The following BCAR1 variants were observed in gnomAD, a reference collection of about 807,000 sequenced individuals.
BCAR1 encodes breast cancer anti-estrogen resistance protein 1.
A neutral mutation model predicts 67.6 loss-of-function variants in BCAR1; 30 were observed. The ratio of observed to expected loss-of-function variants is 0.44; its 90% CI spans 0.33 to 0.60. The LOEUF (loss-of-function observed/expected upper bound fraction) is 0.60, where lower values mean the gene tolerates loss of function less well. BCAR1 is among the 20% of genes least tolerant of loss of function. BCAR1 has a pLI of 0.02. For synonymous variants in BCAR1, 626 were observed against 556.7 expected, an observed-to-expected ratio of 1.12 and a Z score of -1.75; for missense variants, 1,313 against 1,222.3, an observed-to-expected ratio of 1.07 and a Z score of -1.11.
chr16:75,236,799 G>C (rs762769092), intron 4 of BCAR1, 83 bp downstream of exon 4: 5 of 1,512,432 alleles, frequency 3.3e-6, no homozygotes, highest in Non-Finnish European at 4.4e-6. Context: ...CAGCCCTGCA[G>C]ACACTGGTCA....
chr16:75,248,491 A>C, intron 1 of BCAR1: 1 of 371,284 alleles, frequency 2.7e-6, no homozygotes, highest in Non-Finnish European at 4.1e-6. Context: ...GGTCCTGATC[A>C]CCCCACTTGG....
chr16:75,247,537 T>C lies in BCAR1; in HGVS notation c.12+3934A>G, dbSNP rs1298828050. ...TCGGATGGGTGTTGGGGTCTCCTCA[T>C]TGGCTCTGCCAGCTGCCTTGGGAGC... On this transcript the variant is annotated intron_variant, in intron 1 of 6. Coordinates refer to ENST00000162330, the MANE Select transcript of BCAR1 (RefSeq NM_014567.5). The C allele has an allele frequency of 3.1e-5, 5 of 159,776 alleles. No individual in the cohort carries two copies. In the East Asian group the frequency reaches 9.0e-4, roughly 29 times the overall value. The allele number at this position is 159,776 out of a possible 1,614,324, so 9.9% of individuals were successfully genotyped here.
chr16:75,255,747 T>G (rs772335143), upstream of BCAR1, among the ~76,000 whole-genome samples: 15 of 150,574 alleles, frequency 1.0e-4, no homozygotes, highest in East Asian at 2.9e-3. Flanking sequence ...ATCCCAGCAC[T>G]TTGGGAGGCC....
intron 1 of BCAR1, chr16:75,247,733 A>G: frequency 2.7e-6 from 1 of 364,972 alleles, no homozygotes; most frequent in Non-Finnish European, 5.2e-6. Context: ...TGCAGAGAAC[A>G]CTGCAGGTAT....
rs144046270 is a variant in BCAR1 at position 75,235,296 on chromosome 16, G to A, written c.1603C>T (p.Arg535Cys). 5.4e-4 allele frequency: 868 copies of A among 1,605,668 alleles called. No individual in the cohort carries two copies. The highest frequency in any genetic ancestry group is 6.9e-4 in the Non-Finnish European group (813 of 1,174,540). ...AVGNAAHTSDRALHAKLSRQL... is the reference protein window; with the variant it reads ...AVGNAAHTSDCALHAKLSRQL... ...CGGCTAAGCTTGGCATGCAGGGCACGGTCAGATGTGTGGGCAGCATTGCCC... is the reference window on the plus strand; with the variant it reads ...CGGCTAAGCTTGGCATGCAGGGCACAGTCAGATGTGTGGGCAGCATTGCCC... Residue 535 changes from arginine (R) to cysteine (C), a missense_variant, in exon 5 of 7, where the codon CGT becomes TGT. Arg to Cys is a radical substitution (Grantham distance 180). Around this residue, in one of 2 missense-constraint regions of BCAR1, gnomAD observed 1,272 missense variants for 1,137.5 expected, o/e 1.12. Transcript: ENST00000162330.
chr16:75,241,963 G>C (rs763439325), intron 2 of BCAR1, among the ~76,000 whole-genome samples: 26 of 152,192 alleles, frequency 1.7e-4, no homozygotes, highest in Admixed American at 7.2e-4. Flanking sequence ...CCTCCCAGGA[G>C]TCACATCCAG....
At position 75,237,232 on chromosome 16, in the gene BCAR1, T is replaced by C. The variant is rs1301916801; in HGVS notation, c.746A>G (p.Tyr249Cys). The C allele has an allele frequency of 2.6e-6, 4 of 1,561,260 alleles. No homozygotes were observed. Among genetic ancestry groups the C allele is most frequent in the African/African-American group, 2.7e-5 (2 of 73,088 alleles). The change falls in exon 3 of 7, where the codon TAT (tyrosine) becomes TGT (cysteine). Residue 249 changes from tyrosine (Y) to cysteine (C), a missense_variant. Physicochemically the swap from Tyr to Cys is radical, Grantham distance 194. Transcript: ENST00000162330. ...CAGCCCCCGAACCGGGGGCACATCATAGATGTCCTGTGGCCCCGGGGCCAG... is the reference window on the plus strand; with the variant it reads ...CAGCCCCCGAACCGGGGGCACATCACAGATGTCCTGTGGCCCCGGGGCCAG... ...HLLAPGPQDI[Y>C]DVPPVRGLLP... is the part of the protein sequence containing the mutation.
intron 1 of BCAR1, chr16:75,247,925 AGTGCCACACTT>A (rs2077567282): frequency 1.3e-6 from 1 of 754,350 alleles, no homozygotes; most frequent in Non-Finnish European, 2.4e-6. Context: ...AATGGGTAAT[AGTGCCACACTT>A]GTCACTAAGT....
At position 75,228,310 on chromosome 16, in the gene BCAR1, C is replaced by T. The variant is rs990979609; in HGVS notation, c.*1201G>A. On this transcript the variant is annotated 3_prime_UTR_variant, in exon 7 of 7. Transcript: ENST00000162330. ...CTCTGTAGAGGTAAGATCAGGAGGG[C>T]TTGCGAATCACCCAGCCCTACTCCC... is the stretch of plus-strand genomic sequence containing the variant. 2 of 152,234 alleles carry T rather than the reference C, an allele frequency of 1.3e-5. No individual in the cohort carries two copies. Among genetic ancestry groups the T allele is most frequent in the Non-Finnish European group, 2.9e-5 (2 of 68,046 alleles). The allele number at this position is 152,234 out of a possible 1,614,324, so 9.4% of individuals were successfully genotyped here. A position where few individuals can be genotyped will look rare whatever the true frequency, so the allele number is the denominator to read the frequency against.
chr16:75,230,012 A>G lies in BCAR1; in HGVS notation c.2112T>C (p.Phe704=). Residue 704 remains phenylalanine, a synonymous_variant, in exon 7 of 7, where the codon TTT becomes TTC. Transcript: ENST00000162330. ...SQLELQQLKQ[F]ERLEQEVSRP... is the part of the protein sequence containing the mutation. Reference sequence around the variant, plus strand: ...GTGACACCTCCTGTTCCAGTCGTTCAAACTGCTTCAGCTGGGGCAGGAGGG... The same window carrying G: ...GTGACACCTCCTGTTCCAGTCGTTCGAACTGCTTCAGCTGGGGCAGGAGGG... 1 of 1,535,506 alleles carries G rather than the reference A, an allele frequency of 6.5e-7. No homozygotes were observed. The highest frequency in any genetic ancestry group is 8.8e-7 in the Non-Finnish European group (1 of 1,139,442).
chr16:75,231,115 T>TTA (rs1491080166), intron 6 of BCAR1, among the ~76,000 whole-genome samples: 1 of 150,976 alleles, frequency 6.6e-6, no homozygotes, highest in African/African-American at 2.4e-5. Flanking sequence ...TTTTTTTTTT[T>TTA]AAATGGAGTC....
intron 1 of BCAR1, chr16:75,250,858 C>A: frequency 1.0e-6 from 1 of 985,504 alleles, no homozygotes; most frequent in Non-Finnish European, 1.2e-6. Flanking sequence ...CACCGGCGCT[C>A]GGCGTGCGGG....
In BCAR1 at chr16:75,228,473, G is replaced by C. The variant is rs1032792255; in HGVS notation, c.*1038C>G. 1 of 152,400 alleles carries C rather than the reference G, an allele frequency of 6.6e-6. No individual in the cohort carries two copies. Among genetic ancestry groups the C allele is most frequent in the Admixed American group, 6.5e-5 (1 of 15,292 alleles). 9.4% of individuals were successfully genotyped at this position (152,400 alleles called of 1,614,324 possible). On this transcript the variant is annotated 3_prime_UTR_variant, in exon 7 of 7. Transcript: ENST00000162330. ...GCTGGGTGGGGGAGCCACGAAGGGG[G>C]ACACACTTGCCCAGGGCAAGGGTCT...
At chr16:75,232,440 G>A (rs1040003817) in intron 6 of BCAR1, among the ~76,000 whole-genome samples, 1 of 152,184 alleles carries the variant, frequency 6.6e-6, no homozygotes, top group Non-Finnish European at 1.5e-5. Context: ...GATTACAAGT[G>A]TGAGCCACTG....
At chr16:75,267,555 G>A (rs906670289) in intron 1 of BCAR1, among the ~76,000 whole-genome samples, 1 of 152,040 alleles carries the variant, frequency 6.6e-6, no homozygotes, top group Non-Finnish European at 1.5e-5. Flanking sequence ...CCGGGCTCCT[G>A]GCCACACGCC....
upstream of BCAR1, chr16:75,252,395 G>C: frequency 2.0e-6 from 3 of 1,478,542 alleles, no homozygotes; most frequent in Non-Finnish European, 2.7e-6. Context: ...GTAGGAGAGC[G>C]GCACTGGGGG....
intron 4 of BCAR1, chr16:75,236,333 G>A (rs761954573): frequency 1.4e-4 from 54 of 387,846 alleles, no homozygotes; most frequent in Non-Finnish European, 2.3e-4. Flanking sequence ...TGTCACTGCA[G>A]ACACTCACTG....
At chr16:75,264,487 G>C (rs775201288) in intron 1 of BCAR1, 1 of 1,453,402 alleles carries the variant, frequency 6.9e-7, no homozygotes, top group South Asian at 1.4e-5. Flanking sequence ...AGAGAGGAAG[G>C]GCTTGGCAGG....
chr16:75,231,026 TG>T lies in BCAR1; in HGVS notation c.2101-1004del, dbSNP rs200003889. Among the ~76,000 whole-genome samples the T allele has an allele frequency of 7.0e-3, 1,033 of 146,800 alleles. 9 individuals are homozygous for T. The highest frequency in any genetic ancestry group is 0.026 in the African/African-American group (982 of 38,238). ...GACAGAGCACAGGCAACAAGCTTTG[TG>T]GGGTTTTTTTTTTTTCAATACTATT... On this transcript the variant is annotated intron_variant, in intron 6 of 6. Coordinates refer to ENST00000162330, the MANE Select transcript of BCAR1 (RefSeq NM_014567.5).
Sources: allele counts gnomAD v4.1 joint callset (sites outside exome capture counted in the v4.1 genomes callset), GRCh38; gene constraint gnomAD v4.1.1; regional missense constraint gnomAD v4.1.1; transcripts MANE v1.5; gene names NCBI Gene and HGNC (gene_info 2026-07-23, HGNC 2026-07-21).